Variants in CYSLTR1 observed in about 807,000 individuals in gnomAD.
The protein encoded by CYSLTR1 is cysteinyl leukotriene receptor 1.
A neutral mutation model predicts 2.1 loss-of-function variants in CYSLTR1; 1 was observed. The observed-to-expected ratio is 0.48, with a 90% CI of 0.17 to 2.28. The LOEUF (loss-of-function observed/expected upper bound fraction) is 2.28, where lower values mean the gene tolerates loss of function less well. Among genes scored for constraint, CYSLTR1 ranks in the 30% most tolerant of loss-of-function variants. The pLI is 0.26. For missense variants in CYSLTR1, 299 were observed against 250.1 expected (o/e 1.20, Z -1.32); for synonymous variants, 110 against 89.6 (o/e 1.23, Z -1.28).
chrX:78,275,855 TG>T (rs1300456365), intron 2 of CYSLTR1, among the ~76,000 whole-genome samples: 3 of 111,676 alleles, frequency 2.7e-5, no homozygotes, highest in African/African-American at 6.5e-5. Flanking sequence ...CTCCCTCCCC[TG>T]GGGGAGAGTA....
intron 1 of CYSLTR1, among the ~76,000 whole-genome samples, chrX:78,290,912 T>C (rs932949578): frequency 1.3e-4 from 14 of 111,938 alleles, no homozygotes; most frequent in African/African-American, 4.5e-4. Flanking sequence ...ACAGGGACAA[T>C]TTGACTTCCT....
chrX:78,305,626 T>G (rs1341413403), intron 1 of CYSLTR1, among the ~76,000 whole-genome samples: 2 of 112,739 alleles, frequency 1.8e-5, no homozygotes, highest in East Asian at 5.6e-4. Context: ...TGAAATTTTA[T>G]GCCCATTCCT....
intron 1 of CYSLTR1, among the ~76,000 whole-genome samples, chrX:78,326,686 T>C (rs1368842001): frequency 8.9e-6 from 1 of 112,483 alleles, no homozygotes; most frequent in Non-Finnish European, 1.9e-5. Flanking sequence ...TATTCATTTA[T>C]AGTTGAGAGA....
chrX:78,301,352 T>C (rs1449378984), intron 1 of CYSLTR1, among the ~76,000 whole-genome samples: 1 of 112,302 alleles, frequency 8.9e-6, no homozygotes, highest in Non-Finnish European at 1.9e-5. Context: ...TTATGCTCTG[T>C]TTCCCTTTTA....
intron 1 of CYSLTR1, among the ~76,000 whole-genome samples, chrX:78,314,213 C>G (rs759405401): frequency 8.9e-6 from 1 of 111,945 alleles, no homozygotes; most frequent in South Asian, 3.7e-4. Flanking sequence ...GAAGGAAGTA[C>G]AGTGTATTCT....
chrX:78,290,371 A>G (rs1922269498), intron 1 of CYSLTR1, among the ~76,000 whole-genome samples: 1 of 111,862 alleles, frequency 8.9e-6, no homozygotes, highest in African/African-American at 3.3e-5. Flanking sequence ...GTAGCCTTAT[A>G]GTATAGCTTG....
chrX:78,314,545 C>T (rs1436966039), intron 1 of CYSLTR1, among the ~76,000 whole-genome samples: 1 of 111,545 alleles, frequency 9.0e-6, no homozygotes, highest in South Asian at 3.8e-4. Flanking sequence ...CTTTGAATTA[C>T]CAATGCCACT....
intron 1 of CYSLTR1, among the ~76,000 whole-genome samples, chrX:78,286,729 GA>G (rs1443845042): frequency 9.8e-6 from 1 of 101,768 alleles, no homozygotes; most frequent in African/African-American, 3.7e-5. Flanking sequence ...CTATGAGTGA[GA>G]ACATGCGGTG....
At chrX:78,284,112 TTAAC>T (rs1921953591) in intron 1 of CYSLTR1, among the ~76,000 whole-genome samples, 1 of 112,272 alleles carries the variant, frequency 8.9e-6, no homozygotes, top group Non-Finnish European at 1.9e-5. Flanking sequence ...CTTTTGGAGA[TTAAC>T]TGTTTGTAGT....
At chrX:78,305,890 G>A (rs1376175018) in intron 1 of CYSLTR1, among the ~76,000 whole-genome samples, 2 of 112,612 alleles carry the variant, frequency 1.8e-5, no homozygotes, top group Non-Finnish European at 3.8e-5. Context: ...CTGCCAATGG[G>A]CATTTGGCAG....
At chrX:78,327,245 A>G (rs1352754936) in intron 1 of CYSLTR1, 60 bp downstream of exon 1, 1 of 112,187 alleles carries the variant, frequency 8.9e-6, no homozygotes, top group Admixed American at 9.4e-5. Flanking sequence ...AAAATTTACC[A>G]TCAGCAACAT....
intron 1 of CYSLTR1, among the ~76,000 whole-genome samples, chrX:78,313,134 T>TA (rs1370241038): frequency 1.8e-5 from 2 of 112,008 alleles, no homozygotes; most frequent in African/African-American, 6.5e-5. Context: ...TGCAGCTATA[T>TA]AAAAAAACAA....
intron 2 of CYSLTR1, among the ~76,000 whole-genome samples, chrX:78,280,810 C>T (rs766331475): frequency 5.4e-5 from 6 of 111,345 alleles, no homozygotes; most frequent in Non-Finnish European, 1.1e-4. Context: ...CATTTAATTC[C>T]CACTTATAAG....
In CYSLTR1 at chrX:78,273,467, A is replaced by T. The variant is rs779882423; in HGVS notation, c.280T>A (p.Phe94Ile). 5 of 1,211,957 alleles carry T rather than the reference A, an allele frequency of 4.1e-6. No individual in the cohort carries two copies. In the Admixed American group the frequency reaches 1.1e-4, roughly 26 times the overall value. The change falls in exon 3 of 3, where the codon TTC (phenylalanine) becomes ATC (isoleucine). Residue 94 changes from phenylalanine to isoleucine, a missense_variant. By Grantham distance (21) the Phe-to-Ile change is conservative. Coordinates refer to ENST00000373304, the MANE Select transcript of CYSLTR1 (RefSeq NM_006639.4). ...VHKGIWLFGD[F>I]LCRLSTYALY... ...GCATAGGTGCTGAGGCGGCACAAGA[A>T]GTCACCAAAGAGCCAAATGCCTTTG...
intron 2 of CYSLTR1, among the ~76,000 whole-genome samples, chrX:78,282,348 G>A (rs1347204079): frequency 8.9e-6 from 1 of 111,964 alleles, no homozygotes; most frequent in East Asian, 2.8e-4. Flanking sequence ...ATATAAAAAA[G>A]CATCCCACAC....
rs1327094577 is a variant in CYSLTR1 at position 78,273,497 on chromosome X, C to T, written c.250G>A (p.Val84Ile). Residue 84 changes from valine to isoleucine, a missense_variant, in exon 3 of 3, where the codon GTT (valine) becomes ATT (isoleucine). Coordinates refer to ENST00000373304, the MANE Select transcript of CYSLTR1 (RefSeq NM_006639.4). ...CCAAAGAGCCAAATGCCTTTGTGAACATAATAGACCACACGGAGAGGCAGT... is the reference window on the plus strand; with the variant it reads ...CCAAAGAGCCAAATGCCTTTGTGAATATAATAGACCACACGGAGAGGCAGT... ...CTLPLRVVYY[V>I]HKGIWLFGDF... is the part of the protein sequence containing the mutation. The T allele has an allele frequency of 8.3e-7, 1 of 1,210,045 alleles. No individual in the cohort carries two copies. The highest frequency in any genetic ancestry group is 1.1e-6 in the Non-Finnish European group (1 of 895,283).
rs1489393452 is a variant in CYSLTR1 at position 78,327,552 on chromosome X, G to A, written c.-362C>T. ...AGAGGGGAGAGAGCAGGGCACATTT[G>A]CTAGCCAATATATACAGATATACAG... On this transcript the variant is annotated 5_prime_UTR_variant, in exon 1 of 3. Coordinates refer to ENST00000373304, the MANE Select transcript of CYSLTR1 (RefSeq NM_006639.4). The A allele has an allele frequency of 1.5e-4, 17 of 111,712 alleles. No homozygotes were observed. The Admixed American group carries it at 1.6e-3, about 11-fold the overall frequency. The allele number at this position is 111,712 out of a possible 1,213,427, so 9.2% of individuals were successfully genotyped here.
rs760115491 is a variant in CYSLTR1 at position 78,273,725 on chromosome X, T to C, written c.22A>G (p.Thr8Ala). ...TCATGGCATGTGGCAGAAGATACTG[T>C]CAGATTTCCTGTTTCATCCATGTTT... is the stretch of plus-strand genomic sequence containing the variant. Reference protein sequence around the residue: MDETGNLTVSSATCHDTI... With the variant: MDETGNLAVSSATCHDTI... Residue 8 changes from threonine to alanine, a missense_variant, in exon 3 of 3, where the codon ACA (threonine) becomes GCA (alanine). By Grantham distance (58) the Thr-to-Ala change is moderately conservative. Transcript: ENST00000373304. 16 of 1,198,187 alleles carry C rather than the reference T, an allele frequency of 1.3e-5. No homozygotes were observed. The highest frequency in any genetic ancestry group is 3.0e-5 in the East Asian group (1 of 33,576).
rs1013098907 is a variant in CYSLTR1, at chrX:78,323,146, A to G, written c.-115+4159T>C. On this transcript the variant is annotated intron_variant, in intron 1 of 2. Transcript: ENST00000373304. ...TTTCACCCCTAGTTTGGGTGATAGA[A>G]ATGTGTTGCAACCTACACACATACT... is the stretch of plus-strand genomic sequence containing the variant. 2.7e-5 allele frequency among the ~76,000 whole-genome samples: 3 copies of G among 111,855 alleles called. No homozygotes were observed. The Admixed American group carries it at 2.8e-4, about 11-fold the overall frequency.
Sources: gnomAD v4.1 joint callset for allele counts (sites outside exome capture counted in the v4.1 genomes callset) on GRCh38, gnomAD v4.1.1 for gene constraint, MANE v1.5 for transcripts, NCBI Gene and HGNC (gene_info 2026-07-23, HGNC 2026-07-21) for gene names.